Variants in F2RL1 observed in about 807,000 individuals in gnomAD.
F2RL1 encodes proteinase-activated receptor 2.
Under a neutral mutation model 21.7 loss-of-function variants are expected in F2RL1, and 16 were observed. That is an observed-to-expected ratio of 0.74 (90% CI 0.50 to 1.12). F2RL1 has a LOEUF of 1.12. F2RL1 is among the 50% of genes most tolerant of loss of function. The probability of loss-of-function intolerance (pLI) is 0.00; values close to 1 mark genes in which losing one functional copy is unlikely to be tolerated. For synonymous variants in F2RL1, 181 were observed against 186.7 expected, an observed-to-expected ratio of 0.97 and a Z score of 0.25; for missense variants, 432 against 477.8, an observed-to-expected ratio of 0.90 and a Z score of 0.89.
rs1750397962 is a variant in F2RL1, at chr5:76,833,595, C to T, written c.988C>T (p.Leu330Phe). ...TGTCTATGCCCTGTACATTGTAGCC[C>T]TCTGCCTCTCTACCCTTAACAGCTG... ...SHVYALYIVA[L>F]CLSTLNSCID... Residue 330 changes from leucine (L) to phenylalanine (F), a missense_variant, in exon 2 of 2, where the codon CTC (leucine) becomes TTC (phenylalanine). By Grantham distance (22) the Leu-to-Phe change is conservative (BLOSUM62 0). Transcript: ENST00000296677. 2 of 1,613,794 alleles carry T rather than the reference C, an allele frequency of 1.2e-6. No homozygotes were observed. The highest frequency in any genetic ancestry group is 1.7e-5 in the Admixed American group (1 of 59,964).
Position 76,833,682 on chromosome 5 carries a change from C to T in F2RL1, c.1075C>T (p.Leu359Phe), listed in dbSNP as rs746601307. 1.2e-6 allele frequency: 2 copies of T among 1,614,074 alleles called. No homozygotes were observed. Among genetic ancestry groups the T allele is most frequent in the East Asian group, 2.2e-5 (1 of 44,850 alleles). ...TTTCAGGGATCATGCAAAGAACGCT[C>T]TCCTTTGCCGAAGTGTCCGCACTGT... The part of the protein sequence containing the change: ...HDFRDHAKNA[L>F]LCRSVRTVKQ... The change falls in exon 2 of 2, where the codon CTC becomes TTC. Residue 359 changes from leucine (L) to phenylalanine (F), a missense_variant. Coordinates refer to ENST00000296677, the MANE Select transcript of F2RL1 (RefSeq NM_005242.6).
In F2RL1 at chr5:76,833,228, T is replaced by C. The variant is rs631465; in HGVS notation, c.621T>C (p.Ile207=). ...AIWLLILLVT[I]PLYVVKQTIF... is the part of the protein sequence containing the mutation. ...GGCTGCTGATTCTGCTGGTCACCAT[T>C]CCTTTGTATGTCGTGAAGCAGACCA... The change falls in exon 2 of 2, where the codon ATT becomes ATC. Residue 207 remains isoleucine, a synonymous_variant. Coordinates refer to ENST00000296677, the MANE Select transcript of F2RL1 (RefSeq NM_005242.6). The C allele has an allele frequency of 0.94, 1,517,840 of 1,613,900 alleles. 718,038 individuals carry two copies. The highest frequency in any genetic ancestry group is 0.99 in the African/African-American group (74,244 of 74,974).
intron 1 of F2RL1, among the ~76,000 whole-genome samples, chr5:76,825,502 T>G (rs1353155528): frequency 1.3e-5 from 2 of 152,228 alleles, no homozygotes; most frequent in African/African-American, 4.8e-5. Context: ...TTCACACACT[T>G]GGGCAATAAT....
chr5:76,819,235 C>CCT lies in F2RL1; in HGVS notation c.61_62dup (p.Cys22ProfsTer53). On this transcript the variant is annotated frameshift_variant, in exon 1 of 2. Coordinates refer to ENST00000296677, the MANE Select transcript of F2RL1 (RefSeq NM_005242.6). LOFTEE classifies it high-confidence loss of function. Reference sequence around the variant, plus strand: ...CTGGGGGCCGCCATCCTGCTAGCAGCCTCTCTCTCCTGCAGTGGCACCATC... The same window carrying CCT: ...CTGGGGGCCGCCATCCTGCTAGCAGCCTCTCTCTCTCCTGCAGTGGCACCATC... 3.8e-6 allele frequency: 6 copies of CCT among 1,592,484 alleles called. No individual in the cohort carries two copies. Among genetic ancestry groups the CCT allele is most frequent in the South Asian group, 2.2e-5 (2 of 89,486 alleles).
chr5:76,830,560 G>A (rs1338027464), intron 1 of F2RL1, among the ~76,000 whole-genome samples: 1 of 152,226 alleles, frequency 6.6e-6, no homozygotes, highest in African/African-American at 2.4e-5. Flanking sequence ...ACAGGCGTGA[G>A]ACACCACGCC....
At position 76,832,908 on chromosome 5, in the gene F2RL1, C is replaced by T. The variant is rs764927777; in HGVS notation, c.301C>T (p.Leu101Phe). ...TAACGGCATGGCCCTGTGGGTCTTT[C>T]TTTTCCGAACTAAGAAGAAGCACCC... Reference protein sequence around the residue: ...PSNGMALWVFLFRTKKKHPAV... With the variant: ...PSNGMALWVFFFRTKKKHPAV... The change falls in exon 2 of 2, where the codon CTT becomes TTT. Residue 101 changes from leucine (L) to phenylalanine (F), a missense_variant. By Grantham distance (22) the Leu-to-Phe change is conservative (BLOSUM62 0). Transcript: ENST00000296677. 1.2e-6 allele frequency: 2 copies of T among 1,614,176 alleles called. No homozygotes were observed. The highest frequency in any genetic ancestry group is 1.7e-6 in the Non-Finnish European group (2 of 1,180,032).
intron 1 of F2RL1, among the ~76,000 whole-genome samples, chr5:76,819,755 G>A (rs559763776): frequency 1.1e-3 from 167 of 152,244 alleles, no homozygotes; most frequent in African/African-American, 3.7e-3. Context: ...GCAGGGCGGA[G>A]TGGGTGGGAA....
chr5:76,821,903 A>G (rs1580930238), intron 1 of F2RL1, among the ~76,000 whole-genome samples: 1 of 152,100 alleles, frequency 6.6e-6, no homozygotes, highest in South Asian at 2.1e-4. Context: ...TTAAATTATA[A>G]AAACAATATG....
intron 1 of F2RL1, among the ~76,000 whole-genome samples, chr5:76,821,281 A>G (rs1031654332): frequency 2.0e-5 from 3 of 152,186 alleles, no homozygotes; most frequent in Non-Finnish European, 4.4e-5. Flanking sequence ...CATGCTTAAT[A>G]TGTGTCCTCA....
At position 76,833,182 on chromosome 5, in the gene F2RL1, T is replaced by C; in HGVS notation, c.575T>C (p.Ile192Thr). The change falls in exon 2 of 2, where the codon ATT becomes ACT. Residue 192 changes from isoleucine (I) to threonine (T), a missense_variant. Ile to Thr is a moderately conservative substitution (Grantham distance 89, BLOSUM62 -1). Coordinates refer to ENST00000296677, the MANE Select transcript of F2RL1 (RefSeq NM_005242.6). Reference sequence around the variant, plus strand: ...TCCAGGAAGAAGGCAAACATTGCCATTGGCATCTCCCTGGCAATATGGCTG... The same window carrying C: ...TCCAGGAAGAAGGCAAACATTGCCACTGGCATCTCCCTGGCAATATGGCTG... ...GHSRKKANIA[I>T]GISLAIWLLI... The C allele has an allele frequency of 1.2e-6, 2 of 1,614,134 alleles. No individual in the cohort carries two copies. Among genetic ancestry groups the C allele is most frequent in the South Asian group, 1.1e-5 (1 of 91,088 alleles).
chr5:76,834,067 C>T lies in F2RL1; in HGVS notation c.*266C>T, dbSNP rs1750412588. 1 of 374,216 alleles carries T rather than the reference C, an allele frequency of 2.7e-6. No individual in the cohort carries two copies. Among genetic ancestry groups the T allele is most frequent in the Non-Finnish European group, 4.8e-6 (1 of 208,814 alleles). The allele number at this position is 374,216 out of a possible 1,614,324, so 23.2% of individuals were successfully genotyped here. ...CAGACTTTTCAGAAGATGGTGAAGA[C>T]AGAAACCCAGTAACTTGCAAAAAGT... On this transcript the variant is annotated 3_prime_UTR_variant, in exon 2 of 2. Transcript: ENST00000296677.
At chr5:76,826,631 G>A (rs757481864) in intron 1 of F2RL1, among the ~76,000 whole-genome samples, 1 of 150,108 alleles carries the variant, frequency 6.7e-6, no homozygotes, top group Non-Finnish European at 1.5e-5. Context: ...TCAGCCTCCT[G>A]AGTAGTTGGG....
rs1179285968 is a variant in F2RL1 at position 76,832,811 on chromosome 5, C to T, written c.204C>T (p.Val68=). The change falls in exon 2 of 2, where the codon GTC becomes GTT. Residue 68 remains valine (V), a synonymous_variant. Coordinates refer to ENST00000296677, the MANE Select transcript of F2RL1 (RefSeq NM_005242.6). Reference sequence around the variant, plus strand: ...CTGTGGATGAGTTTTCTGCATCTGTCCTCACTGGAAAACTGACCACTGTCT... The same window carrying T: ...CTGTGGATGAGTTTTCTGCATCTGTTCTCACTGGAAAACTGACCACTGTCT... The part of the protein sequence containing the change: ...VFSVDEFSAS[V]LTGKLTTVFL... 6.2e-7 allele frequency: 1 copy of T among 1,614,224 alleles called. No homozygotes were observed. Among genetic ancestry groups the T allele is most frequent in the Non-Finnish European group, 8.5e-7 (1 of 1,180,046 alleles).
At chr5:76,831,223 G>A (rs1023570139) in intron 1 of F2RL1, among the ~76,000 whole-genome samples, 1 of 152,088 alleles carries the variant, frequency 6.6e-6, no homozygotes, top group Admixed American at 6.6e-5. Context: ...CAGGCCAGAC[G>A]GTTTCCCTGC....
Position 76,832,768 on chromosome 5 carries a change from C to T in F2RL1, c.161C>T (p.Thr54Ile). Residue 54 changes from threonine to isoleucine, a missense_variant, in exon 2 of 2, where the codon ACA becomes ATA. Physicochemically the swap from Thr to Ile is moderately conservative, Grantham distance 89. Coordinates refer to ENST00000296677, the MANE Select transcript of F2RL1 (RefSeq NM_005242.6). ...TCCCACGTCACTGGAAAAGGAGTTA[C>T]AGTTGAAACAGTCTTTTCTGTGGAT... Reference protein sequence around the residue: ...GTSHVTGKGVTVETVFSVDEF... With the variant: ...GTSHVTGKGVIVETVFSVDEF... 6.2e-7 allele frequency: 1 copy of T among 1,614,200 alleles called. No homozygotes were observed. Among genetic ancestry groups the T allele is most frequent in the Non-Finnish European group, 8.5e-7 (1 of 1,180,026 alleles).
At chr5:76,827,607 T>A (rs1258344327) in intron 1 of F2RL1, among the ~76,000 whole-genome samples, 3 of 143,998 alleles carry the variant, frequency 2.1e-5, no homozygotes, top group Non-Finnish European at 4.5e-5. Context: ...TAACTTTTTT[T>A]TTTTTTTTTT....
In F2RL1 at chr5:76,832,718, C is replaced by T. The variant is rs1475043233; in HGVS notation, c.111C>T (p.Ser37=). The T allele has an allele frequency of 6.2e-7, 1 of 1,612,432 alleles. No homozygotes were observed. Among genetic ancestry groups the T allele is most frequent in the South Asian group, 1.1e-5 (1 of 90,838 alleles). The change falls in exon 2 of 2, where the codon AGC becomes AGT. Residue 37 remains serine (S), a synonymous_variant. Transcript: ENST00000296677. Reference sequence around the variant, plus strand: ...CCAGTAGATCCTCTAAAGGAAGAAGCCTTATTGGTAAGGTTGATGGCACAT... The same window carrying T: ...CCAGTAGATCCTCTAAAGGAAGAAGTCTTATTGGTAAGGTTGATGGCACAT... The part of the protein sequence containing the change: ...QGTSRSSKGR[S]LIGKVDGTSH...
intron 1 of F2RL1, among the ~76,000 whole-genome samples, chr5:76,821,885 AT>A (rs896523472): frequency 2.6e-5 from 4 of 151,798 alleles, no homozygotes; most frequent in South Asian, 2.1e-4. Flanking sequence ...CCTACCTATA[AT>A]TGTTTTTTAA....
chr5:76,833,442 G>A lies in F2RL1; in HGVS notation c.835G>A (p.Glu279Lys), dbSNP rs772971462. 5 of 1,613,710 alleles carry A rather than the reference G, an allele frequency of 3.1e-6. No homozygotes were observed. The highest frequency in any genetic ancestry group is 4.2e-6 in the Non-Finnish European group (5 of 1,179,994). Reference protein sequence around the residue: ...LRSSAMDENSEKKRKRAIKLI... With the variant: ...LRSSAMDENSKKKRKRAIKLI... ...ATCTTCTGCCATGGATGAAAACTCA[G>A]AGAAGAAAAGGAAGAGGGCCATCAA... The change falls in exon 2 of 2, where the codon GAG (glutamate) becomes AAG (lysine). Residue 279 changes from glutamate to lysine, a missense_variant. Coordinates refer to ENST00000296677, the MANE Select transcript of F2RL1 (RefSeq NM_005242.6).
Sources: gnomAD v4.1 joint callset for allele counts (sites outside exome capture counted in the v4.1 genomes callset) on GRCh38, gnomAD v4.1.1 for gene constraint, MANE v1.5 for transcripts, NCBI Gene and HGNC (gene_info 2026-07-23, HGNC 2026-07-21) for gene names.